Variants in BMPR1B observed in about 807,000 individuals in gnomAD.
BMPR1B encodes bone morphogenetic protein receptor type 1B.
In BMPR1B, 12 loss-of-function variants were observed where a neutral mutation model predicts 59.1. The observed-to-expected ratio is 0.20, with a 90% CI of 0.13 to 0.33. BMPR1B has a LOEUF of 0.33. Among genes scored for constraint, BMPR1B ranks in the 10% least tolerant of loss-of-function variants. The pLI, the probability that BMPR1B is intolerant of heterozygous loss-of-function variation, is 1.00. For missense variants in BMPR1B, 550 were observed against 610.9 expected (o/e 0.90, Z 1.05); for synonymous variants, 237 against 207.3 (o/e 1.14, Z -1.23).
intron 3 of BMPR1B, among the ~76,000 whole-genome samples, chr4:95,000,629 T>C (rs1179426481): frequency 6.6e-6 from 1 of 152,138 alleles, no homozygotes; most frequent in Non-Finnish European, 1.5e-5. Flanking sequence ...ATAAATATTA[T>C]ATGATTGGGA....
At chr4:94,908,813 A>G (rs1728167566) in intron 2 of BMPR1B, among the ~76,000 whole-genome samples, 2 of 152,020 alleles carry the variant, frequency 1.3e-5, no homozygotes, top group South Asian at 2.1e-4. Flanking sequence ...TTGCTTGAAT[A>G]ATGTCTCCGT....
At chr4:95,013,634 A>G (rs1327332235) in intron 3 of BMPR1B, among the ~76,000 whole-genome samples, 1 of 152,226 alleles carries the variant, frequency 6.6e-6, no homozygotes, top group Non-Finnish European at 1.5e-5. Flanking sequence ...GAATAGCACT[A>G]CTGATACATG....
intron 3 of BMPR1B, among the ~76,000 whole-genome samples, chr4:95,001,254 A>C (rs1276707107): frequency 6.6e-6 from 1 of 151,948 alleles, no homozygotes; most frequent in Non-Finnish European, 1.5e-5. Flanking sequence ...TCTGAGTGTA[A>C]TTGCTCTGTT....
rs545857101 is a variant in BMPR1B at position 94,818,249 on chromosome 4, C to G, written c.-182-57582C>G. On this transcript the variant is annotated intron_variant, in intron 1 of 12. Transcript: ENST00000515059. ...TTAGTATTCTAGGATGTTATTTATT[C>G]AAGAAATAATACTTAGAGTTATATA... is the stretch of plus-strand genomic sequence containing the variant. Among the ~76,000 whole-genome samples, 171 of 152,178 alleles carry G rather than the reference C, an allele frequency of 1.1e-3. 2 individuals are homozygous for G. The highest frequency in any genetic ancestry group is 4.0e-3 in the African/African-American group (165 of 41,516).
intron 2 of BMPR1B, among the ~76,000 whole-genome samples, chr4:94,985,605 G>A (rs192729743): frequency 1.4e-3 from 217 of 150,518 alleles, no homozygotes; most frequent in African/African-American, 4.9e-3. Context: ...GGAAGACTTC[G>A]TTCTGTTCCA....
chr4:95,019,791 G>A (rs1350012738), intron 3 of BMPR1B, among the ~76,000 whole-genome samples: 1 of 152,114 alleles, frequency 6.6e-6, no homozygotes, highest in African/African-American at 2.4e-5. Flanking sequence ...CTTGGTCCAT[G>A]TTCATTTTTC....
At chr4:94,778,089 G>T (rs778474476) in intron 1 of BMPR1B, among the ~76,000 whole-genome samples, 1 of 151,902 alleles carries the variant, frequency 6.6e-6, no homozygotes, top group Non-Finnish European at 1.5e-5. Flanking sequence ...TCTCTTAAAG[G>T]ATATATAATA....
At chr4:94,814,754 A>G (rs553822273) in intron 1 of BMPR1B, among the ~76,000 whole-genome samples, 24 of 152,292 alleles carry the variant, frequency 1.6e-4, no homozygotes, top group African/African-American at 5.8e-4. Context: ...TACTTCATAT[A>G]TATTATTGTA....
intron 2 of BMPR1B, among the ~76,000 whole-genome samples, chr4:94,885,947 A>G (rs1393419931): frequency 6.6e-6 from 1 of 152,178 alleles, no homozygotes; most frequent in Non-Finnish European, 1.5e-5. Context: ...GTAAATGTGG[A>G]AAAAATGAAG....
At chr4:94,776,407 C>T (rs1722371600) in intron 1 of BMPR1B, among the ~76,000 whole-genome samples, 1 of 152,174 alleles carries the variant, frequency 6.6e-6, no homozygotes, top group Admixed American at 6.5e-5. Context: ...CTTCCTTCCT[C>T]CCTGGCTTTT....
At chr4:95,030,175 A>T (rs1724725343) in intron 3 of BMPR1B, among the ~76,000 whole-genome samples, 1 of 151,878 alleles carries the variant, frequency 6.6e-6, no homozygotes, top group Non-Finnish European at 1.5e-5. Flanking sequence ...GGTGTTTTAG[A>T]CATGAAGTCC....
At chr4:95,094,548 C>T (rs1232519400) in intron 3 of BMPR1B, among the ~76,000 whole-genome samples, 1 of 152,024 alleles carries the variant, frequency 6.6e-6, no homozygotes, top group South Asian at 2.1e-4. Flanking sequence ...TTATTATTGA[C>T]AATTACTATG....
chr4:94,934,370 T>C (rs1443934082), intron 2 of BMPR1B, among the ~76,000 whole-genome samples: 5 of 152,040 alleles, frequency 3.3e-5, no homozygotes, highest in Non-Finnish European at 4.4e-5. Flanking sequence ...GGAGTTTTTC[T>C]CCTTTTTATG....
At chr4:95,038,726 C>A (rs1725439321) in intron 3 of BMPR1B, among the ~76,000 whole-genome samples, 1 of 152,138 alleles carries the variant, frequency 6.6e-6, no homozygotes, top group Non-Finnish European at 1.5e-5. Flanking sequence ...CCTTGCTTCT[C>A]TTTTTTTCTT....
At chr4:94,788,972 G>A (rs1722859737) in intron 1 of BMPR1B, among the ~76,000 whole-genome samples, 1 of 152,166 alleles carries the variant, frequency 6.6e-6, no homozygotes, top group Admixed American at 6.5e-5. Flanking sequence ...CCCCTGAGGT[G>A]ATGAAGGCCT....
chr4:94,947,127 T>G (rs1729748124), intron 2 of BMPR1B, among the ~76,000 whole-genome samples: 2 of 152,084 alleles, frequency 1.3e-5, no homozygotes, highest in Admixed American at 1.3e-4. Flanking sequence ...ATGACCTAAT[T>G]TTAGTAAAAC....
chr4:94,934,942 C>T (rs189785894), intron 2 of BMPR1B, among the ~76,000 whole-genome samples: 10 of 152,066 alleles, frequency 6.6e-5, no homozygotes, highest in African/African-American at 1.9e-4. Flanking sequence ...TTACAGAATA[C>T]AAGTTTCTAC....
At chr4:95,016,798 G>A (rs1201943640) in intron 3 of BMPR1B, among the ~76,000 whole-genome samples, 1 of 152,086 alleles carries the variant, frequency 6.6e-6, no homozygotes, top group Non-Finnish European at 1.5e-5. Context: ...AAATATATTT[G>A]TCCCCTTTCC....
intron 1 of BMPR1B, among the ~76,000 whole-genome samples, chr4:94,865,970 C>G (rs949825499): frequency 2.0e-5 from 3 of 151,942 alleles, no homozygotes; most frequent in Middle Eastern, 3.2e-3. Context: ...CTGAGTACCC[C>G]CCAAGACAAA....
Sources: gnomAD v4.1 joint callset for allele counts (sites outside exome capture counted in the v4.1 genomes callset) on GRCh38, gnomAD v4.1.1 for gene constraint, MANE v1.5 for transcripts, NCBI Gene and HGNC (gene_info 2026-07-23, HGNC 2026-07-21) for gene names.